GRK4: variants seen among roughly 807,000 people sequenced by gnomAD.
GRK4 encodes the protein G protein-coupled receptor kinase 2-like.
GRK4 carries 73 observed loss-of-function variants against 77.9 expected under a neutral mutation model. The observed-to-expected ratio is 0.94, with a 90% confidence interval of 0.78 to 1.14. GRK4 has a LOEUF of 1.14. Ranked by LOEUF, GRK4 falls within the 50% of genes most tolerant of loss-of-function variation. GRK4 has a pLI of 0.00. For missense variants in GRK4, 729 were observed against 700.2 expected, an observed-to-expected ratio of 1.04 and a Z score of -0.46; for synonymous variants, 257 against 254.4, an observed-to-expected ratio of 1.01 and a Z score of -0.10.
At chr4:3,007,440 A>G (rs1731643982) in intron 5 of GRK4, among the ~76,000 whole-genome samples, 1 of 151,880 alleles carries the variant, frequency 6.6e-6, no homozygotes, top group Admixed American at 6.6e-5. Flanking sequence ...GGACCCTTCC[A>G]CTGTGTCTTG....
chr4:2,994,004 A>G (rs997372790), intron 4 of GRK4, among the ~76,000 whole-genome samples: 4 of 152,194 alleles, frequency 2.6e-5, no homozygotes, highest in Non-Finnish European at 5.9e-5. Flanking sequence ...GGGGATGGCC[A>G]GCAGGACCAT....
rs757292288 is a variant in GRK4, at chr4:2,963,947, T to A, written c.-124T>A. Reference sequence around the variant, plus strand: ...GGCGGAGCAGCCTCCCGGGATCGTGTCCGGAGCTCGAGGAGAGGGTGGTGC... The same window carrying A: ...GGCGGAGCAGCCTCCCGGGATCGTGACCGGAGCTCGAGGAGAGGGTGGTGC... On this transcript the variant is annotated 5_prime_UTR_variant, in exon 1 of 16. Coordinates refer to ENST00000398052, the MANE Select transcript of GRK4 (RefSeq NM_182982.3). 1 of 886,948 alleles carries A rather than the reference T, an allele frequency of 1.1e-6. No individual in the cohort carries two copies. The highest frequency in any genetic ancestry group is 2.0e-5 in the Admixed American group (1 of 48,960). 54.9% of individuals were successfully genotyped at this position (886,948 alleles called of 1,614,324 possible).
chr4:2,968,773 A>G (rs1428689485), intron 1 of GRK4, among the ~76,000 whole-genome samples: 3 of 152,070 alleles, frequency 2.0e-5, no homozygotes, highest in African/African-American at 4.8e-5. Context: ...GCAGTTTTGG[A>G]TAGTTTTAGA....
chr4:3,021,809 T>A lies in GRK4; in HGVS notation c.933-605T>A, dbSNP rs1327892913. The stretch of plus-strand genomic sequence containing the variant: ...GTTTCAGTCTCAAGATGAGCTGGAT[T>A]TTCTCATGTGAGCTTTGGCTCATCC... On this transcript the variant is annotated intron_variant, in intron 9 of 15. Coordinates refer to ENST00000398052, the MANE Select transcript of GRK4 (RefSeq NM_182982.3). 3.3e-5 allele frequency among the ~76,000 whole-genome samples: 5 copies of A among 152,164 alleles called. No homozygotes were observed. In the East Asian group the frequency reaches 9.6e-4, roughly 29 times the overall value.
At chr4:2,988,113 A>AT (rs1359603010) in intron 2 of GRK4, among the ~76,000 whole-genome samples, 3 of 149,034 alleles carry the variant, frequency 2.0e-5, no homozygotes, top group African/African-American at 4.9e-5. Flanking sequence ...GTAGAATCAT[A>AT]TGGTAATTCT....
intron 1 of GRK4, among the ~76,000 whole-genome samples, chr4:2,976,074 G>A (rs892630615): frequency 1.3e-5 from 2 of 152,158 alleles, no homozygotes; most frequent in Non-Finnish European, 2.9e-5. Context: ...ACTCTGAAAG[G>A]ACTAGTCTGC....
At chr4:3,024,445 A>C (rs1041214757) in intron 10 of GRK4, among the ~76,000 whole-genome samples, 1 of 151,974 alleles carries the variant, frequency 6.6e-6, no homozygotes, top group Non-Finnish European at 1.5e-5. Context: ...AGGATATTTT[A>C]GTTGTTACGG....
At position 3,037,353 on chromosome 4, in the gene GRK4, GC is replaced by G; in HGVS notation, c.1408-17del. 1 of 1,566,612 alleles carries G rather than the reference GC, an allele frequency of 6.4e-7. No individual in the cohort carries two copies. Among genetic ancestry groups the G allele is most frequent in the Non-Finnish European group, 8.7e-7 (1 of 1,143,446 alleles). The stretch of plus-strand genomic sequence containing the variant: ...AATTGCTGTAGTCATCTCAGAGGCT[GC>G]CCCTGTTCTTGCTACACAGCCTCAT... On this transcript the variant is annotated intron_variant, in intron 13 of 15. Coordinates refer to ENST00000398052, the MANE Select transcript of GRK4 (RefSeq NM_182982.3).
chr4:3,006,271 C>G (rs1731292901), intron 5 of GRK4, among the ~76,000 whole-genome samples: 1 of 151,084 alleles, frequency 6.6e-6, no homozygotes. Flanking sequence ...CCCAGCTACT[C>G]AGGAAGGCTG....
chr4:3,005,756 C>T (rs186296944), intron 5 of GRK4, among the ~76,000 whole-genome samples: 165 of 151,930 alleles, frequency 1.1e-3, no homozygotes, highest in Non-Finnish European at 1.8e-3. Context: ...ATGAGCCTCC[C>T]CTGTACTCCA....
intron 10 of GRK4, among the ~76,000 whole-genome samples, chr4:3,024,933 G>A (rs959025152): frequency 2.6e-5 from 4 of 152,098 alleles, no homozygotes; most frequent in Non-Finnish European, 4.4e-5. Context: ...TTAGTCATTA[G>A]CAAAAGTTCT....
intron 1 of GRK4, 30 bp downstream of exon 1, chr4:2,964,152 C>CG (rs1560323903): frequency 1.3e-6 from 2 of 1,559,856 alleles, no homozygotes; most frequent in African/African-American, 1.4e-5. Context: ...CCCCGACCCC[C>CG]CCCCCAGAGA....
intron 1 of GRK4, chr4:2,965,600 T>A (rs867480301): frequency 1.6e-6 from 1 of 631,710 alleles, no homozygotes; most frequent in Middle Eastern, 3.1e-4. Flanking sequence ...TCCCAGCTAC[T>A]CTGGAAGCTG....
intron 15 of GRK4, 69 bp downstream of exon 15, chr4:3,038,582 G>T: frequency 6.6e-7 from 1 of 1,514,234 alleles, no homozygotes; most frequent in East Asian, 2.2e-5. Flanking sequence ...GACTGCCAAG[G>T]TGAAAACCTG....
chr4:3,029,466 T>G, intron 12 of GRK4, 57 bp downstream of exon 12: 1 of 1,466,482 alleles, frequency 6.8e-7, no homozygotes, highest in Non-Finnish European at 9.5e-7. Flanking sequence ...TCTAGTTGTT[T>G]TCACTGGCAG....
chr4:3,009,310 T>C (rs989043311), intron 6 of GRK4, among the ~76,000 whole-genome samples: 34 of 150,528 alleles, frequency 2.3e-4, no homozygotes, highest in African/African-American at 8.3e-4. Flanking sequence ...TAATCCCAGC[T>C]ACTCGGGAGG....
In GRK4 at chr4:3,001,324, T is replaced by TAC. The variant is rs1346925899; in HGVS notation, c.340-2906_340-2905insCA. Among the ~76,000 whole-genome samples the TAC allele has an allele frequency of 3.6e-5, 5 of 137,064 alleles. No homozygotes were observed. The East Asian group carries it at 6.1e-4, about 17-fold the overall frequency. The allele number at this position is 137,064 out of a possible 152,430, so 89.9% of individuals were successfully genotyped here. ...ATGTATATATGTGTGTGTGAGTACA[T>TAC]ATACACACACACACACACACACACA... On this transcript the variant is annotated intron_variant, in intron 4 of 15. Transcript: ENST00000398052.
chr4:3,039,468 A>G (rs1239598006), intron 15 of GRK4, among the ~76,000 whole-genome samples: 1 of 151,428 alleles, frequency 6.6e-6, no homozygotes, highest in African/African-American at 2.4e-5. Context: ...GAGGCTGAGG[A>G]GGGTGGATCA....
At chr4:3,033,111 G>C (rs1739610107) in intron 12 of GRK4, among the ~76,000 whole-genome samples, 1 of 152,206 alleles carries the variant, frequency 6.6e-6, no homozygotes, top group Non-Finnish European at 1.5e-5. Context: ...GGCTGGAGCT[G>C]GTGGCTCATA....
Sources: allele counts gnomAD v4.1 joint callset (sites outside exome capture counted in the v4.1 genomes callset), GRCh38; gene constraint gnomAD v4.1.1; transcripts MANE v1.5; gene names NCBI Gene and HGNC (gene_info 2026-07-23, HGNC 2026-07-21).